The following PDE5A variants were observed in gnomAD, a reference collection of about 807,000 sequenced individuals.
PDE5A encodes phosphodiesterase 5A.
PDE5A carries 67 observed loss-of-function variants against 110.2 expected under a neutral mutation model. The observed-to-expected ratio is 0.61, with a 90% CI of 0.50 to 0.75. PDE5A has a LOEUF of 0.75. Among genes scored for constraint, PDE5A ranks in the 30% least tolerant of loss-of-function variants. PDE5A has a pLI of 0.00. For missense variants in PDE5A, 862 were observed against 1,045.1 expected (o/e 0.82, Z 2.42); for synonymous variants, 328 against 351.2 (o/e 0.93, Z 0.74).
intron 15 of PDE5A, 21 bp downstream of exon 15, chr4:119,511,026 A>C: frequency 1.5e-6 from 2 of 1,321,472 alleles, no homozygotes; most frequent in Non-Finnish European, 2.1e-6. Flanking sequence ...AAAATTCCAC[A>C]ACAATAAATT....
At position 119,498,385 on chromosome 4, in the gene PDE5A, C is replaced by T. The variant is rs1281703089; in HGVS notation, c.*216G>A. On this transcript the variant is annotated 3_prime_UTR_variant, in exon 21 of 21. Coordinates refer to ENST00000354960, the MANE Select transcript of PDE5A (RefSeq NM_001083.4). The stretch of plus-strand genomic sequence containing the variant: ...GTGCTAACAGTGGATGTTGTTGATC[C>T]TTTCAGTTCAGTAGCATAAAACAAA... 6.0e-6 allele frequency: 3 copies of T among 499,442 alleles called. No individual in the cohort carries two copies. Among genetic ancestry groups the T allele is most frequent in the Non-Finnish European group, 1.1e-5 (3 of 281,064 alleles). The allele number at this position is 499,442 out of a possible 1,614,324, so 30.9% of individuals were successfully genotyped here.
chr4:119,599,846 C>T (rs1434085285), intron 2 of PDE5A, among the ~76,000 whole-genome samples: 1 of 151,914 alleles, frequency 6.6e-6, no homozygotes, highest in Admixed American at 6.6e-5. Context: ...TAAGCTTACA[C>T]ACATGGTGTG....
rs1725023432 is a variant in PDE5A at position 119,495,336 on chromosome 4, T to G, written c.*3265A>C. On this transcript the variant is annotated 3_prime_UTR_variant, in exon 21 of 21. Coordinates refer to ENST00000354960, the MANE Select transcript of PDE5A (RefSeq NM_001083.4). ...ACTCAATAAAAGGTGGGTCAGTGTA[T>G]TTCTGATACAAAACAATTAAATTGT... is the stretch of plus-strand genomic sequence containing the variant. 1 of 152,138 alleles carries G rather than the reference T, an allele frequency of 6.6e-6. No individual in the cohort carries two copies. The highest frequency in any genetic ancestry group is 2.4e-5 in the African/African-American group (1 of 41,432). The allele number at this position is 152,138 out of a possible 1,614,324, so 9.4% of individuals were successfully genotyped here. A position where few individuals can be genotyped will look rare whatever the true frequency, so the allele number is the denominator to read the frequency against.
At chr4:119,556,326 G>A (rs1727537665) in intron 7 of PDE5A, among the ~76,000 whole-genome samples, 1 of 152,162 alleles carries the variant, frequency 6.6e-6, no homozygotes, top group Admixed American at 6.5e-5. Context: ...CATGCTGTCT[G>A]TCCCTTCTTT....
chr4:119,589,446 C>T (rs1343430959), intron 3 of PDE5A, among the ~76,000 whole-genome samples: 1 of 147,290 alleles, frequency 6.8e-6, no homozygotes, highest in Non-Finnish European at 1.5e-5. Flanking sequence ...GGGGAAAGAT[C>T]TGAGCTTCTC....
At chr4:119,595,069 A>G (rs1729107338) in intron 3 of PDE5A, among the ~76,000 whole-genome samples, 1 of 152,228 alleles carries the variant, frequency 6.6e-6, no homozygotes, top group South Asian at 2.1e-4. Context: ...GAACATTTAA[A>G]AACCTTAGGC....
At chr4:119,536,489 T>G (rs1218854100) in intron 11 of PDE5A, among the ~76,000 whole-genome samples, 2 of 151,974 alleles carry the variant, frequency 1.3e-5, no homozygotes, top group Non-Finnish European at 2.9e-5. Flanking sequence ...TGAATAATAC[T>G]TTAAACCTGT....
In PDE5A at chr4:119,582,632, C is replaced by T. The variant is rs563117555; in HGVS notation, c.831+13891G>A. On this transcript the variant is annotated intron_variant, in intron 3 of 20. Coordinates refer to ENST00000354960, the MANE Select transcript of PDE5A (RefSeq NM_001083.4). ...TCTATTTATGTCAGCTATGGCCTTA[C>T]GAAATGAATTTCTTAAACAATAAGA... is the stretch of plus-strand genomic sequence containing the variant. Among the ~76,000 whole-genome samples the T allele has an allele frequency of 3.9e-5, 6 of 152,284 alleles. No individual in the cohort carries two copies. The East Asian group carries it at 7.7e-4, about 20-fold the overall frequency.
chr4:119,599,868 T>C (rs1454019578), intron 2 of PDE5A, among the ~76,000 whole-genome samples: 3 of 152,026 alleles, frequency 2.0e-5, no homozygotes, highest in Non-Finnish European at 4.4e-5. Flanking sequence ...AAATGATATG[T>C]AGGGTGAAAC....
At chr4:119,502,245 A>G (rs80089750) in intron 19 of PDE5A, 2,601 of 185,100 alleles carry the variant, frequency 0.014, 72 homozygotes, top group African/African-American at 0.058. Context: ...ACACCAAGGG[A>G]CGTAGGTAAA....
Position 119,627,195 on chromosome 4 carries a change from T to C in PDE5A, c.152+1325A>G, listed in dbSNP as rs1229693198. The stretch of plus-strand genomic sequence containing the variant: ...CAACATAGCAAACGTGGGAAGTTCG[T>C]TTTCGAACTCCGCCGATCCTGGACT... On this transcript the variant is annotated intron_variant, in intron 1 of 20. Coordinates refer to ENST00000354960, the MANE Select transcript of PDE5A (RefSeq NM_001083.4). The surrounding 1 kb of genome is among the most constrained non-coding windows in gnomAD (Gnocchi z 4.6). 1 of 1,612,286 alleles carries C rather than the reference T, an allele frequency of 6.2e-7. No individual in the cohort carries two copies. Among genetic ancestry groups the C allele is most frequent in the South Asian group, 1.1e-5 (1 of 90,892 alleles).
intron 9 of PDE5A, chr4:119,548,910 C>A (rs1025127982): frequency 1.3e-5 from 2 of 152,062 alleles, no homozygotes; most frequent in Admixed American, 1.3e-4. Flanking sequence ...CAATGTATAC[C>A]ATGGAAGACA....
intron 2 of PDE5A, among the ~76,000 whole-genome samples, chr4:119,601,642 T>C (rs1216883824): frequency 6.6e-6 from 1 of 152,082 alleles, no homozygotes; most frequent in East Asian, 1.9e-4. Context: ...GGAAGAAGTG[T>C]GGTAGCCTAG....
chr4:119,496,560 T>G lies in PDE5A; in HGVS notation c.*2041A>C, dbSNP rs893509313. ...CGATCTACCATGTCTTTAAAAAATT[T>G]CTCAGTGACACATACTAGAGGGGAC... On this transcript the variant is annotated 3_prime_UTR_variant, in exon 21 of 21. Coordinates refer to ENST00000354960, the MANE Select transcript of PDE5A (RefSeq NM_001083.4). 2.0e-5 allele frequency: 3 copies of G among 152,482 alleles called. No individual in the cohort carries two copies. Among genetic ancestry groups the G allele is most frequent in the African/African-American group, 7.2e-5 (3 of 41,454 alleles). The allele number at this position is 152,482 out of a possible 1,614,324, so 9.4% of individuals were successfully genotyped here.
chr4:119,513,830 G>A (rs1040029459), intron 14 of PDE5A, among the ~76,000 whole-genome samples: 3 of 152,164 alleles, frequency 2.0e-5, no homozygotes, highest in African/African-American at 7.2e-5. Flanking sequence ...TTTAGACGAC[G>A]CAGAAGGGAC....
At chr4:119,500,437 C>T (rs535470697) in intron 20 of PDE5A, among the ~76,000 whole-genome samples, 1 of 151,844 alleles carries the variant, frequency 6.6e-6, no homozygotes, top group South Asian at 2.1e-4. Flanking sequence ...TAGTCTGTCT[C>T]GTTGGGAGAT....
chr4:119,622,329 A>G (rs1368096858), intron 1 of PDE5A, among the ~76,000 whole-genome samples: 2 of 152,240 alleles, frequency 1.3e-5, no homozygotes, highest in African/African-American at 2.4e-5. Context: ...AACTAAAAGT[A>G]GAGAAGATAA....
At chr4:119,544,492 C>T (rs1280626382) in intron 9 of PDE5A, among the ~76,000 whole-genome samples, 1 of 152,156 alleles carries the variant, frequency 6.6e-6, no homozygotes, top group African/African-American at 2.4e-5. Flanking sequence ...TGTCCTTCAA[C>T]CTTTGTGAAT....
At chr4:119,589,040 A>G (rs1578804290) in intron 3 of PDE5A, among the ~76,000 whole-genome samples, 2 of 152,330 alleles carry the variant, frequency 1.3e-5, no homozygotes, top group Non-Finnish European at 2.9e-5. Flanking sequence ...TGGAGTTGAC[A>G]TTCAACAATG....
Sources: allele counts gnomAD v4.1 joint callset (sites outside exome capture counted in the v4.1 genomes callset), GRCh38; gene constraint gnomAD v4.1.1; non-coding constraint Gnocchi (gnomAD v3.1); transcripts MANE v1.5; gene names NCBI Gene and HGNC (gene_info 2026-07-23, HGNC 2026-07-21).